The following IFT46 variants were observed in gnomAD, a reference collection of about 807,000 sequenced individuals.
IFT46 encodes intraflagellar transport protein 46 homolog.
IFT46 carries 19 observed loss-of-function variants against 39.6 expected under a neutral mutation model. The observed-to-expected ratio is 0.48, with a 90% CI of 0.33 to 0.70. The LOEUF (loss-of-function observed/expected upper bound fraction) is 0.70. IFT46 is among the 30% of genes least tolerant of loss of function. IFT46 has a pLI of 0.01. For synonymous variants in IFT46, 117 were observed against 134.8 expected (o/e 0.87, Z 0.91); for missense variants, 334 against 364.8 (o/e 0.92, Z 0.69).
At chr11:118,572,314 G>A (rs1351416033) in intron 1 of IFT46, 2 of 505,418 alleles carry the variant, frequency 4.0e-6, no homozygotes, top group Non-Finnish European at 7.2e-6. Flanking sequence ...TAACCGGAGC[G>A]GGGTACCCTC....
chr11:118,549,088 G>A (rs1362437747), intron 9 of IFT46, among the ~76,000 whole-genome samples: 3 of 151,636 alleles, frequency 2.0e-5, no homozygotes, highest in African/African-American at 7.3e-5. Flanking sequence ...TAGTAGAAAC[G>A]GGGTTTTGCC....
At chr11:118,561,860 C>T (rs973905004) in intron 2 of IFT46, among the ~76,000 whole-genome samples, 1 of 152,184 alleles carries the variant, frequency 6.6e-6, no homozygotes, top group Admixed American at 6.6e-5. Flanking sequence ...TAATTAATGA[C>T]AGGCGCAGTG....
Position 118,544,758 on chromosome 11 carries a change from T to G in IFT46, c.*158A>C. The G allele has an allele frequency of 1.6e-6, 1 of 612,996 alleles. No individual in the cohort carries two copies. The allele number at this position is 612,996 out of a possible 1,614,324, so 38.0% of individuals were successfully genotyped here. On this transcript the variant is annotated 3_prime_UTR_variant, in exon 12 of 12. Transcript: ENST00000264021. ...GGCAGGCAGGTTCATTAAACAAACA[T>G]GTTCTGTGCCCTCTGGCAGAGAGGG... is the stretch of plus-strand genomic sequence containing the variant.
chr11:118,560,097 A>C, intron 2 of IFT46: 1 of 484,848 alleles, frequency 2.1e-6, no homozygotes, highest in Non-Finnish European at 3.6e-6. Flanking sequence ...ATACTATTCA[A>C]ATTATCTGCC....
chr11:118,558,037 A>G, intron 3 of IFT46: 1 of 782,394 alleles, frequency 1.3e-6, no homozygotes, highest in Non-Finnish European at 1.9e-6. Flanking sequence ...ATTGGCACAC[A>G]AAATTGTGAC....
Position 118,545,508 on chromosome 11 carries a change from G to A in IFT46, c.734-14C>T. The A allele has an allele frequency of 6.3e-7, 1 of 1,597,982 alleles. No homozygotes were observed. The highest frequency in any genetic ancestry group is 1.1e-5 in the South Asian group (1 of 90,658). Reference sequence around the variant, plus strand: ...TGTCTAGAATGGCTGAAACGAAGAAGAACTTCCAGGAACAGAAGCAAACAA... The same window carrying A: ...TGTCTAGAATGGCTGAAACGAAGAAAAACTTCCAGGAACAGAAGCAAACAA... On this transcript the variant is annotated splice_polypyrimidine_tract_variant and intron_variant, in intron 10 of 11. Coordinates refer to ENST00000264021, the MANE Select transcript of IFT46 (RefSeq NM_001168618.2).
At chr11:118,550,392 A>AT (rs1344974330) in intron 9 of IFT46, among the ~76,000 whole-genome samples, 3 of 152,212 alleles carry the variant, frequency 2.0e-5, no homozygotes, top group African/African-American at 7.2e-5. Flanking sequence ...TATTTCATTT[A>AT]TTTTTTCAGT....
At chr11:118,546,247 C>T (rs1411036679) in intron 9 of IFT46, 1 of 703,340 alleles carries the variant, frequency 1.4e-6, no homozygotes, top group Non-Finnish European at 2.6e-6. Context: ...CCTGTAATAC[C>T]AGCACTGTGG....
At chr11:118,556,361 C>T (rs566733779) in intron 4 of IFT46, among the ~76,000 whole-genome samples, 17 of 151,944 alleles carry the variant, frequency 1.1e-4, no homozygotes, top group Admixed American at 4.6e-4. Context: ...GGCGTGGTGG[C>T]GGGCACCTGT....
chr11:118,551,924 T>G (rs1937655152), intron 8 of IFT46, 72 bp from the exon 9 acceptor site: 3 of 1,429,092 alleles, frequency 2.1e-6, no homozygotes, highest in Admixed American at 3.4e-5. Flanking sequence ...ATCAGCATAT[T>G]CTAGGATGAA....
At chr11:118,545,288 C>T (rs529114473) in intron 11 of IFT46, 121 bp downstream of exon 11, 53 of 816,806 alleles carry the variant, frequency 6.5e-5, no homozygotes, top group East Asian at 4.9e-4. Flanking sequence ...TGGGAAAGGG[C>T]GAAGGTAACT....
At chr11:118,556,258 G>A (rs1937829406) in intron 4 of IFT46, among the ~76,000 whole-genome samples, 1 of 152,150 alleles carries the variant, frequency 6.6e-6, no homozygotes, top group Non-Finnish European at 1.5e-5. Context: ...TTGGGAGGCC[G>A]AGGCGAGCGG....
chr11:118,554,040 C>T (rs1395277274), intron 7 of IFT46, among the ~76,000 whole-genome samples: 23 of 150,460 alleles, frequency 1.5e-4, no homozygotes, highest in African/African-American at 5.6e-4. Flanking sequence ...TGGCCCAAAG[C>T]AATAACCATC....
chr11:118,553,373 G>A (rs1247562103), intron 7 of IFT46, among the ~76,000 whole-genome samples: 1 of 151,610 alleles, frequency 6.6e-6, no homozygotes, highest in African/African-American at 2.4e-5. Context: ...CCCGGGAGGT[G>A]GAGGTTGTGG....
At position 118,559,840 on chromosome 11, in the gene IFT46, G is replaced by A; in HGVS notation, c.-11C>T. 6.2e-7 allele frequency: 1 copy of A among 1,611,558 alleles called. No individual in the cohort carries two copies. ...GCTGTTATCAGCCATAGCCTTGTTA[G>A]GAAGATGGGCAGAACGAGGAAGTCC... is the stretch of plus-strand genomic sequence containing the variant. On this transcript the variant is annotated 5_prime_UTR_variant, in exon 3 of 12. Transcript: ENST00000264021.
chr11:118,573,568 T>C (rs188349522), upstream of IFT46: 65 of 643,718 alleles, frequency 1.0e-4, no homozygotes, highest in East Asian at 3.4e-4. Context: ...TTATGTCCTT[T>C]AGTCTTTTGA....
chr11:118,558,021 G>T, intron 3 of IFT46: 1 of 864,980 alleles, frequency 1.2e-6, no homozygotes, highest in Non-Finnish European at 1.7e-6. Context: ...TTATGGTAAA[G>T]CAGCTATTGG....
chr11:118,572,348 G>GCC lies in IFT46; in HGVS notation c.-133+246_-133+247dup, dbSNP rs375845726. ...TCAATTTCCCCAGCCCACAGGCCCC[G>GCC]CCCCCCCCCCCGCCCTTTGACCTGC... is the stretch of plus-strand genomic sequence containing the variant. On this transcript the variant is annotated intron_variant, in intron 1 of 5. Transcript: ENST00000528378. The GCC allele has an allele frequency of 2.4e-3, 238 of 97,294 alleles. 3 individuals carry two copies. Among genetic ancestry groups the GCC allele is most frequent in the East Asian group, 0.022 (51 of 2,334 alleles). The allele number at this position is 97,294 out of a possible 1,614,324, so 6.0% of individuals were successfully genotyped here. A position where few individuals can be genotyped will look rare whatever the true frequency, so the allele number is the denominator to read the frequency against.
intron 10 of IFT46, 41 bp downstream of exon 10, chr11:118,545,752 C>CT (rs782539903): frequency 7.0e-5 from 111 of 1,591,788 alleles, no homozygotes; most frequent in South Asian, 1.1e-5. Context: ...TAGAGTGTCT[C>CT]TATCCAGAGA....
Sources: allele counts gnomAD v4.1 joint callset (sites outside exome capture counted in the v4.1 genomes callset), GRCh38; gene constraint gnomAD v4.1.1; transcripts MANE v1.5; gene names NCBI Gene and HGNC (gene_info 2026-07-23, HGNC 2026-07-21).